RFX3: variants seen among roughly 807,000 people sequenced by gnomAD.
RFX3 encodes transcription factor RFX3.
Under a neutral mutation model 98.6 loss-of-function variants are expected in RFX3, and 14 were observed. That is an observed-to-expected ratio of 0.14 (90% CI 0.09 to 0.22). The LOEUF (loss-of-function observed/expected upper bound fraction) is 0.22. Among genes scored for constraint, RFX3 ranks in the 10% least tolerant of loss-of-function variants. The pLI is 1.00. For synonymous variants in RFX3, 383 were observed against 328.4 expected, an observed-to-expected ratio of 1.17 and a Z score of -1.80; for missense variants, 639 against 926.9, an observed-to-expected ratio of 0.69 and a Z score of 4.03.
chr9:3,407,062 G>A (rs149710463), intron 1 of RFX3, among the ~76,000 whole-genome samples: 54 of 152,268 alleles, frequency 3.5e-4, no homozygotes, highest in African/African-American at 1.3e-3. Flanking sequence ...GGCCTGGTAT[G>A]CTTCCTTTGT....
chr9:3,256,280 A>G (rs914983295), intron 14 of RFX3, among the ~76,000 whole-genome samples: 4 of 150,868 alleles, frequency 2.7e-5, no homozygotes, highest in Non-Finnish European at 5.9e-5. Flanking sequence ...ACTAATCACT[A>G]TCTCTTGACC....
intron 1 of RFX3, among the ~76,000 whole-genome samples, chr9:3,473,280 G>A (rs1017436328): frequency 3.9e-5 from 6 of 152,110 alleles, no homozygotes; most frequent in Non-Finnish European, 5.9e-5. Flanking sequence ...CTGCTACAGA[G>A]TTTCCCCTTT....
chr9:3,284,740 G>C (rs1305429666), intron 7 of RFX3, among the ~76,000 whole-genome samples: 3 of 151,780 alleles, frequency 2.0e-5, no homozygotes, highest in Non-Finnish European at 4.4e-5. Context: ...AGCTGTCATA[G>C]TTCATGACTG....
chr9:3,509,169 G>A (rs1291414609), intron 1 of RFX3, among the ~76,000 whole-genome samples: 3 of 151,866 alleles, frequency 2.0e-5, no homozygotes, highest in African/African-American at 7.2e-5. Context: ...ATAAAGGGCA[G>A]TCCGTTCATA....
intron 9 of RFX3, among the ~76,000 whole-genome samples, chr9:3,271,513 C>T (rs1347964453): frequency 2.0e-5 from 3 of 147,022 alleles, no homozygotes; most frequent in Non-Finnish European, 4.5e-5. Context: ...TCCTTCCTTC[C>T]CTCCCTCCCT....
rs869233621 is a variant in RFX3 at position 3,396,044 on chromosome 9, CT to C, written c.-8-449del. Among the ~76,000 whole-genome samples the C allele has an allele frequency of 7.2e-3, 1,034 of 143,614 alleles. 3 individuals carry two copies. The highest frequency in any genetic ancestry group is 9.8e-3 in the Non-Finnish European group (634 of 64,684). The allele number at this position is 143,614 out of a possible 152,430, so 94.2% of individuals were successfully genotyped here. ...GAATATAATTTAGAGTAAATCATTT[CT>C]TTTTTTTTTTTATACTTTGTTTTAG... On this transcript the variant is annotated intron_variant, in intron 1 of 16. Coordinates refer to ENST00000617270, the MANE Select transcript of RFX3 (RefSeq NM_001282116.2).
chr9:3,370,430 C>T (rs1289160550), intron 2 of RFX3, among the ~76,000 whole-genome samples: 2 of 151,700 alleles, frequency 1.3e-5, no homozygotes, highest in East Asian at 3.9e-4. Context: ...AAATTTACAA[C>T]TCTATCCTTT....
At chr9:3,329,386 C>A (rs1212330946) in intron 4 of RFX3, among the ~76,000 whole-genome samples, 2 of 129,628 alleles carry the variant, frequency 1.5e-5, no homozygotes, top group Non-Finnish European at 3.1e-5. Context: ...CCAGCCTGGG[C>A]CACAGAGTAA....
chr9:3,302,567 A>G (rs1828794392), intron 4 of RFX3, among the ~76,000 whole-genome samples: 2 of 151,826 alleles, frequency 1.3e-5, no homozygotes, highest in Admixed American at 1.3e-4. Flanking sequence ...TAAGAGAGAA[A>G]ATTGATTTCA....
chr9:3,484,258 C>T (rs894457107), intron 1 of RFX3, among the ~76,000 whole-genome samples: 1 of 152,180 alleles, frequency 6.6e-6, no homozygotes, highest in African/African-American at 2.4e-5. Flanking sequence ...GGAGACAGCA[C>T]ATAAAAATTA....
chr9:3,440,181 T>C (rs571599869), intron 1 of RFX3, among the ~76,000 whole-genome samples: 1 of 152,208 alleles, frequency 6.6e-6, no homozygotes, highest in South Asian at 2.1e-4. Flanking sequence ...GTATTTCTTC[T>C]CTATGATCGG....
intron 1 of RFX3, among the ~76,000 whole-genome samples, chr9:3,412,247 A>G (rs1017789694): frequency 6.6e-6 from 1 of 152,184 alleles, no homozygotes; most frequent in Non-Finnish European, 1.5e-5. Flanking sequence ...GTTCAGAGAA[A>G]TGTAAGCTCA....
chr9:3,342,243 C>A (rs1281975857), intron 3 of RFX3, among the ~76,000 whole-genome samples: 2 of 152,106 alleles, frequency 1.3e-5, no homozygotes, highest in African/African-American at 4.8e-5. Flanking sequence ...TGGTTCTATG[C>A]ATTTCTATAG....
intron 5 of RFX3, among the ~76,000 whole-genome samples, chr9:3,295,749 T>C (rs1827911533): frequency 6.6e-6 from 1 of 152,084 alleles, no homozygotes; most frequent in South Asian, 2.1e-4. Flanking sequence ...TCAATATTGC[T>C]TCCTTTGCTA....
chr9:3,502,541 A>G (rs1587873143), intron 1 of RFX3, among the ~76,000 whole-genome samples: 1 of 152,348 alleles, frequency 6.6e-6, no homozygotes, highest in South Asian at 2.1e-4. Context: ...GGTAAATAAT[A>G]CCATCTCACA....
chr9:3,396,287 G>C (rs543005613), intron 1 of RFX3, among the ~76,000 whole-genome samples: 1 of 151,980 alleles, frequency 6.6e-6, no homozygotes, highest in African/African-American at 2.4e-5. Context: ...GAGAACATGC[G>C]GTGTTTGGTT....
intron 14 of RFX3, among the ~76,000 whole-genome samples, chr9:3,253,596 C>G (rs756667780): frequency 6.6e-5 from 10 of 152,150 alleles, no homozygotes; most frequent in Middle Eastern, 3.4e-3. Context: ...CACTGACAGC[C>G]AGGTTAGGCA....
chr9:3,389,272 A>C (rs747623741), intron 2 of RFX3, among the ~76,000 whole-genome samples: 1 of 152,140 alleles, frequency 6.6e-6, no homozygotes, highest in Non-Finnish European at 1.5e-5. Flanking sequence ...GCATAAAATG[A>C]AAAACAAAGA....
chr9:3,508,551 ACTT>A (rs1356719176), intron 1 of RFX3, among the ~76,000 whole-genome samples: 2 of 151,938 alleles, frequency 1.3e-5, no homozygotes, highest in East Asian at 3.9e-4. Flanking sequence ...AAAAAGAGGA[ACTT>A]CTAGGCAAAA....
Sources: allele counts gnomAD v4.1 joint callset (sites outside exome capture counted in the v4.1 genomes callset), GRCh38; gene constraint gnomAD v4.1.1; transcripts MANE v1.5; gene names NCBI Gene and HGNC (gene_info 2026-07-23, HGNC 2026-07-21).